Variants in ZNF547 observed in about 807,000 individuals in gnomAD.
The protein encoded by ZNF547 is zinc finger protein 547.
In ZNF547, 4 loss-of-function variants were observed where a neutral mutation model predicts 7.7. The observed-to-expected ratio is 0.52, with a 90% confidence interval of 0.26 to 1.20. The LOEUF (loss-of-function observed/expected upper bound fraction) is 1.20. Ranked by LOEUF, ZNF547 falls within the 50% of genes most tolerant of loss-of-function variation. The pLI is 0.14. For missense variants in ZNF547, 449 were observed against 485.8 expected (o/e 0.92, Z 0.71); for synonymous variants, 166 against 166.2 (o/e 1.00, Z 0.01).
At chr19:57,375,059 G>A (rs1044717527) in intron 3 of ZNF547, among the ~76,000 whole-genome samples, 1 of 152,064 alleles carries the variant, frequency 6.6e-6, no homozygotes, top group Non-Finnish European at 1.5e-5. Flanking sequence ...CTGCTATTAA[G>A]AAATACCCTG....
chr19:57,376,056 A>G (rs558319866), intron 3 of ZNF547, among the ~76,000 whole-genome samples: 10 of 152,094 alleles, frequency 6.6e-5, no homozygotes, highest in Middle Eastern at 3.4e-3. Flanking sequence ...CCAGCTACTC[A>G]GGAAGCTGAG....
intron 3 of ZNF547, among the ~76,000 whole-genome samples, chr19:57,376,608 C>T (rs918713723): frequency 6.6e-6 from 1 of 152,168 alleles, no homozygotes; most frequent in Admixed American, 6.5e-5. Flanking sequence ...AGACCTTCCT[C>T]TGGAGCCTCA....
intron 1 of ZNF547, chr19:57,364,922 C>A (rs748076238): frequency 2.5e-5 from 41 of 1,612,670 alleles, no homozygotes; most frequent in Non-Finnish European, 3.2e-5. Flanking sequence ...AAGGCAGAAT[C>A]CAAAGACGAC....
At position 57,372,689 on chromosome 19, in the gene ZNF547, A is replaced by G. The variant is rs907234436; in HGVS notation, c.151+781A>G. 5.3e-5 allele frequency among the ~76,000 whole-genome samples: 8 copies of G among 152,336 alleles called. No homozygotes were observed. In the South Asian group the frequency reaches 1.5e-3, roughly 28 times the overall value. ...CGTTGTCATTTTTACTCTGACTTCT[A>G]ATCCCTGGCTTCCAGCCGTTACCTA... On this transcript the variant is annotated intron_variant, in intron 3 of 3. Transcript: ENST00000282282.
At chr19:57,372,029 A>C in intron 3 of ZNF547, 121 bp downstream of exon 3, 1 of 1,425,720 alleles carries the variant, frequency 7.0e-7, no homozygotes, top group Non-Finnish European at 9.3e-7. Context: ...TTGTTTCCTG[A>C]CATATGTTCC....
In ZNF547 at chr19:57,377,818, C is replaced by G. The variant is rs201218118; in HGVS notation, c.842C>G (p.Ser281Ter). 8.9e-5 allele frequency: 143 copies of G among 1,614,036 alleles called. No homozygotes were observed. In the Middle Eastern group the frequency reaches 2.3e-3, roughly 26 times the overall value. Residue 281 changes from serine (S) to a stop codon, truncating the protein, a stop_gained, in exon 4 of 4, where the codon TCA becomes TGA. Transcript: ENST00000282282. LOFTEE classifies it low-confidence loss of function (END_TRUNC). Reference sequence around the variant, plus strand: ...TGTGGGAAGTTCTTTAAGTGCAACTCAAACCTCTTTAGGCATTACAGAATT... The same window carrying G: ...TGTGGGAAGTTCTTTAAGTGCAACTGAAACCTCTTTAGGCATTACAGAATT... ...SECGKFFKCN[S>*]NLFRHYRIHT...
intron 3 of ZNF547, among the ~76,000 whole-genome samples, chr19:57,372,310 G>T (rs1333863599): frequency 2.0e-5 from 3 of 152,212 alleles, no homozygotes; most frequent in African/African-American, 4.8e-5. Flanking sequence ...GCTTGATTGT[G>T]TAGGATGTAG....
At chr19:57,365,098 A>G (rs942808725) in intron 1 of ZNF547, 7 of 1,608,954 alleles carry the variant, frequency 4.4e-6, no homozygotes, top group Admixed American at 1.7e-5. Flanking sequence ...GCTTCATGAC[A>G]TAAGACAAGA....
At chr19:57,366,648 C>G (rs774194462) in intron 1 of ZNF547, among the ~76,000 whole-genome samples, 2 of 144,690 alleles carry the variant, frequency 1.4e-5, no homozygotes, top group African/African-American at 5.2e-5. Flanking sequence ...TGACTTCAAG[C>G]GATTCTCCTG....
At chr19:57,367,662 G>A (rs1207947586) in intron 1 of ZNF547, among the ~76,000 whole-genome samples, 8 of 152,196 alleles carry the variant, frequency 5.3e-5, no homozygotes, top group Non-Finnish European at 1.5e-5. Flanking sequence ...AGGCGTGGGT[G>A]GGATAAGGAA....
intron 3 of ZNF547, among the ~76,000 whole-genome samples, chr19:57,376,228 A>C (rs563541478): frequency 1.6e-4 from 24 of 152,196 alleles, no homozygotes; most frequent in African/African-American, 4.8e-4. Flanking sequence ...GCATGGGGCA[A>C]CCGTCCCCAT....
intron 1 of ZNF547, chr19:57,364,071 G>A (rs2088443921): frequency 6.6e-6 from 1 of 152,434 alleles, no homozygotes; most frequent in Non-Finnish European, 1.5e-5. Flanking sequence ...CGAGCAGGAT[G>A]GGGAATTGAC....
intron 1 of ZNF547, among the ~76,000 whole-genome samples, chr19:57,366,565 T>G (rs1226054275): frequency 2.0e-5 from 2 of 98,916 alleles, no homozygotes; most frequent in Non-Finnish European, 4.5e-5. Context: ...TTTTTTTTTT[T>G]TTGACGTGGA....
chr19:57,366,053 C>T (rs1386749485), intron 1 of ZNF547, among the ~76,000 whole-genome samples: 6 of 150,394 alleles, frequency 4.0e-5, no homozygotes, highest in East Asian at 3.9e-4. Flanking sequence ...TTAGTAAAGA[C>T]GGGATTTCAC....
chr19:57,367,074 A>T (rs1186351418), intron 1 of ZNF547, among the ~76,000 whole-genome samples: 4 of 152,112 alleles, frequency 2.6e-5, no homozygotes, highest in African/African-American at 4.8e-5. Context: ...CCTTTCCCTC[A>T]GACAATCAAC....
At chr19:57,375,507 C>T (rs891207708) in intron 3 of ZNF547, among the ~76,000 whole-genome samples, 1 of 151,568 alleles carries the variant, frequency 6.6e-6, no homozygotes, top group African/African-American at 2.4e-5. Flanking sequence ...ACAACAACAA[C>T]AAAAATTAGC....
chr19:57,371,532 G>A, intron 2 of ZNF547: 1 of 467,472 alleles, frequency 2.1e-6, no homozygotes, highest in African/African-American at 2.0e-5. Context: ...TATTGGGACT[G>A]TCCCTAGTTG....
At chr19:57,375,806 ATCT>A (rs1376404404) in intron 3 of ZNF547, among the ~76,000 whole-genome samples, 1 of 152,114 alleles carries the variant, frequency 6.6e-6, no homozygotes, top group East Asian at 1.9e-4. Flanking sequence ...AGAAGCAGGC[ATCT>A]TCTTCACAGG....
intron 3 of ZNF547, among the ~76,000 whole-genome samples, chr19:57,376,850 A>G (rs1396639330): frequency 6.6e-6 from 1 of 152,084 alleles, no homozygotes; most frequent in Non-Finnish European, 1.5e-5. Context: ...GGCCTAGGCA[A>G]AACTCTTGGT....
Sources: allele counts gnomAD v4.1 joint callset (sites outside exome capture counted in the v4.1 genomes callset), GRCh38; gene constraint gnomAD v4.1.1; transcripts MANE v1.5; gene names NCBI Gene and HGNC (gene_info 2026-07-23, HGNC 2026-07-21).